RGS7: variants seen among roughly 807,000 people sequenced by gnomAD.
The protein encoded by RGS7 is regulator of G protein signaling 7, also known as regulator of G-protein signaling 7.
In RGS7, 27 loss-of-function variants were observed where a neutral mutation model predicts 81.1. The ratio of observed to expected loss-of-function variants is 0.33; its 90% CI spans 0.25 to 0.46. RGS7 has a LOEUF of 0.46. Ranked by LOEUF, RGS7 falls within the 20% of genes least tolerant of loss-of-function variation. The pLI is 1.00. For synonymous variants in RGS7, 208 were observed against 207.7 expected (o/e 1.00, Z -0.01); for missense variants, 396 against 607.4 (o/e 0.65, Z 3.66).
intron 2 of RGS7, among the ~76,000 whole-genome samples, chr1:241,339,397 A>G (rs1388684597): frequency 6.6e-6 from 1 of 152,194 alleles, no homozygotes. Context: ...ATGCATAATC[A>G]AAGTCAGAGT....
intron 3 of RGS7, among the ~76,000 whole-genome samples, chr1:241,020,715 T>A (rs1338503013): frequency 7.6e-6 from 1 of 130,996 alleles, no homozygotes; most frequent in Non-Finnish European, 1.8e-5. Flanking sequence ...GGCCAAACAA[T>A]TAATCTTAAA....
chr1:241,220,656 T>C (rs2074838413), intron 2 of RGS7, among the ~76,000 whole-genome samples: 1 of 152,122 alleles, frequency 6.6e-6, no homozygotes, highest in Non-Finnish European at 1.5e-5. Flanking sequence ...TTGGGGCAGG[T>C]GGACTCTTCC....
chr1:241,091,530 A>G (rs1039716967), intron 3 of RGS7, among the ~76,000 whole-genome samples: 1 of 150,372 alleles, frequency 6.7e-6, no homozygotes, highest in Admixed American at 6.7e-5. Context: ...CCTGGGCGAC[A>G]GAGCGAGACT....
intron 2 of RGS7, among the ~76,000 whole-genome samples, chr1:241,181,304 C>G (rs967571218): frequency 1.3e-5 from 2 of 152,132 alleles, no homozygotes; most frequent in African/African-American, 2.4e-5. Context: ...TGTACATATA[C>G]GGATACGGGG....
At chr1:240,920,319 G>T in intron 6 of RGS7, 2 of 1,463,814 alleles carry the variant, frequency 1.4e-6, no homozygotes, top group African/African-American at 1.4e-5. Flanking sequence ...AAACTTCAGT[G>T]GTCATGGTGG....
chr1:241,102,672 C>T (rs183321084), intron 2 of RGS7, among the ~76,000 whole-genome samples: 16 of 152,222 alleles, frequency 1.1e-4, no homozygotes, highest in Admixed American at 9.8e-4. Flanking sequence ...TGTAATCATT[C>T]CTCTCACTGT....
intron 3 of RGS7, among the ~76,000 whole-genome samples, chr1:241,076,154 G>T (rs2062786376): frequency 6.6e-6 from 1 of 152,114 alleles, no homozygotes; most frequent in Admixed American, 6.5e-5. Flanking sequence ...TACCTGGCAT[G>T]ATGTATGCAA....
At chr1:241,242,320 A>AGATAGATAGAT (rs2076302213) in intron 2 of RGS7, among the ~76,000 whole-genome samples, 1 of 151,842 alleles carries the variant, frequency 6.6e-6, no homozygotes, top group African/African-American at 2.4e-5. Context: ...ATAGATAGAT[A>AGATAGATAGAT]GATAGATAGA....
At chr1:241,068,224 T>TTGTGTGTGTGTGTGTGTGTGTG (rs71568983) in intron 3 of RGS7, among the ~76,000 whole-genome samples, 1,710 of 55,278 alleles carry the variant, frequency 0.031, 330 homozygotes, top group East Asian at 0.11. Context: ...TATCCATAAA[T>TTGTGTGTGTGTGTGTGTGTGTG]TGTGTGTGTG....
At chr1:241,219,250 T>C (rs929861210) in intron 2 of RGS7, among the ~76,000 whole-genome samples, 6 of 152,154 alleles carry the variant, frequency 3.9e-5, no homozygotes, top group Admixed American at 3.9e-4. Context: ...GTTTTTCCCA[T>C]GCTGTTCCTG....
intron 3 of RGS7, among the ~76,000 whole-genome samples, chr1:241,006,644 A>G (rs540211608): frequency 2.0e-5 from 3 of 152,370 alleles, no homozygotes; most frequent in African/African-American, 7.2e-5. Flanking sequence ...CGTTGAAACT[A>G]CAGATGAGAG....
At chr1:241,336,187 G>A (rs1003643044) in intron 2 of RGS7, among the ~76,000 whole-genome samples, 12 of 152,140 alleles carry the variant, frequency 7.9e-5, no homozygotes, top group African/African-American at 2.4e-4. Context: ...CATCAGATTC[G>A]CTTTAGAGCC....
chr1:241,343,098 T>C (rs1345407973), intron 2 of RGS7, among the ~76,000 whole-genome samples: 1 of 151,822 alleles, frequency 6.6e-6, no homozygotes, highest in Non-Finnish European at 1.5e-5. Flanking sequence ...CCGTCTCTAC[T>C]AAAAATACAA....
chr1:241,202,613 G>A (rs912261687), intron 2 of RGS7, among the ~76,000 whole-genome samples: 3 of 152,256 alleles, frequency 2.0e-5, no homozygotes, highest in South Asian at 2.1e-4. Flanking sequence ...GCTCAGCAAC[G>A]CCTGTCTGTT....
At chr1:240,825,027 T>G (rs1446955613) in intron 10 of RGS7, among the ~76,000 whole-genome samples, 2 of 152,158 alleles carry the variant, frequency 1.3e-5, no homozygotes, top group African/African-American at 4.8e-5. Context: ...AGGTAACAAA[T>G]TCCTACTGTT....
chr1:240,820,988 G>A (rs1691679140), intron 10 of RGS7, among the ~76,000 whole-genome samples: 1 of 152,138 alleles, frequency 6.6e-6, no homozygotes. Context: ...GCTCAGCTGA[G>A]CTAGAGAACA....
chr1:241,178,363 G>T (rs2071331257), intron 2 of RGS7, among the ~76,000 whole-genome samples: 1 of 152,102 alleles, frequency 6.6e-6, no homozygotes. Flanking sequence ...ATCGCTGAGG[G>T]TTAGAGACAT....
chr1:241,238,816 A>G (rs2076115792), intron 2 of RGS7, among the ~76,000 whole-genome samples: 1 of 152,220 alleles, frequency 6.6e-6, no homozygotes. Context: ...ATATATGTAT[A>G]ATGTCTAGAA....
chr1:240,870,464 C>T (rs1013472104), intron 6 of RGS7, among the ~76,000 whole-genome samples: 1 of 151,968 alleles, frequency 6.6e-6, no homozygotes, highest in Admixed American at 6.6e-5. Flanking sequence ...CTCAGCCTCC[C>T]GAGTAGCTGG....
Sources: gnomAD v4.1 joint callset for allele counts (sites outside exome capture counted in the v4.1 genomes callset) on GRCh38, gnomAD v4.1.1 for gene constraint, MANE v1.5 for transcripts, NCBI Gene and HGNC (gene_info 2026-07-23, HGNC 2026-07-21) for gene names.